The following EFNB2 variants were observed in gnomAD, a reference collection of about 807,000 sequenced individuals.
EFNB2 encodes the protein ephrin B2.
In EFNB2, 5 loss-of-function variants were observed where a neutral mutation model predicts 32.1. The ratio of observed to expected loss-of-function variants is 0.16; its 90% CI spans 0.08 to 0.33. The LOEUF (loss-of-function observed/expected upper bound fraction) is 0.33. Among genes scored for constraint, EFNB2 ranks in the 10% least tolerant of loss-of-function variants. The probability of loss-of-function intolerance (pLI) is 1.00; values close to 1 mark genes in which losing one functional copy is unlikely to be tolerated. For synonymous variants in EFNB2, 168 were observed against 166.5 expected, an observed-to-expected ratio of 1.01 and a Z score of -0.07; for missense variants, 263 against 422.6, an observed-to-expected ratio of 0.62 and a Z score of 3.31.
At chr13:106,528,904 C>T (rs1298305840) in intron 1 of EFNB2, among the ~76,000 whole-genome samples, 2 of 152,170 alleles carry the variant, frequency 1.3e-5, no homozygotes, top group African/African-American at 4.8e-5. Flanking sequence ...ATTTACACCA[C>T]CTCTAACAGC....
At chr13:106,508,005 A>T (rs1186425342) in intron 2 of EFNB2, among the ~76,000 whole-genome samples, 1 of 152,204 alleles carries the variant, frequency 6.6e-6, no homozygotes, top group Non-Finnish European at 1.5e-5. Flanking sequence ...TTCATTTTTC[A>T]TCCATCTCTG....
At chr13:106,520,902 G>A (rs1306908613) in intron 1 of EFNB2, 1 of 152,116 alleles carries the variant, frequency 6.6e-6, no homozygotes, top group African/African-American at 2.4e-5. Context: ...TACGGAATTA[G>A]GTTACCAGAT....
intron 1 of EFNB2, among the ~76,000 whole-genome samples, chr13:106,528,247 T>G (rs1386342572): frequency 6.6e-6 from 1 of 152,158 alleles, no homozygotes; most frequent in Non-Finnish European, 1.5e-5. Context: ...AAAAATGTTT[T>G]GAGTCTATGA....
intron 2 of EFNB2, among the ~76,000 whole-genome samples, chr13:106,498,405 G>A (rs920715683): frequency 2.0e-5 from 3 of 152,180 alleles, no homozygotes; most frequent in Non-Finnish European, 4.4e-5. Flanking sequence ...CACAAGAGGT[G>A]CACATTATTT....
chr13:106,520,294 G>C (rs1879460445), intron 1 of EFNB2: 1 of 152,156 alleles, frequency 6.6e-6, no homozygotes, highest in South Asian at 2.1e-4. Flanking sequence ...AAGAGAAGTC[G>C]AGTACAAACT....
intron 1 of EFNB2, among the ~76,000 whole-genome samples, chr13:106,515,358 G>T (rs1205618350): frequency 2.0e-5 from 3 of 152,154 alleles, no homozygotes; most frequent in Non-Finnish European, 4.4e-5. Flanking sequence ...AATCTATAAT[G>T]GTCAGTGACG....
chr13:106,494,781 C>T (rs555200681), intron 4 of EFNB2, 100 bp downstream of exon 4: 8 of 868,748 alleles, frequency 9.2e-6, no homozygotes, highest in Admixed American at 6.0e-5. Flanking sequence ...CCAGCTAATC[C>T]TAACTGGTTA....
intron 2 of EFNB2, among the ~76,000 whole-genome samples, chr13:106,496,544 C>T (rs1878597372): frequency 6.6e-6 from 1 of 152,242 alleles, no homozygotes; most frequent in South Asian, 2.1e-4. Context: ...GGTTCACACA[C>T]ATGCCCACCA....
At chr13:106,532,077 ACCAAAAC>A (rs1566464991) in intron 1 of EFNB2, among the ~76,000 whole-genome samples, 3 of 40,752 alleles carry the variant, frequency 7.4e-5, no homozygotes, top group Non-Finnish European at 1.1e-4. Context: ...CAAAAAAAAA[ACCAAAAC>A]TTTAAACAAC....
intron 2 of EFNB2, among the ~76,000 whole-genome samples, chr13:106,508,629 C>T (rs533779688): frequency 4.6e-5 from 7 of 152,268 alleles, no homozygotes; most frequent in Admixed American, 2.6e-4. Flanking sequence ...TGTCTTGATA[C>T]TTGATAAGCA....
rs575645186 is a variant in EFNB2 at position 106,535,007 on chromosome 13, G to A, written c.-43C>T. On this transcript the variant is annotated 5_prime_UTR_variant, in exon 1 of 5. Coordinates refer to ENST00000646441, the MANE Select transcript of EFNB2 (RefSeq NM_004093.4). ...CTCCGCGCACTCCGGGCCAAGAAGG[G>A]ACTGACGGGACGCAGGCTGGGACCC... 1.2e-6 allele frequency: 2 copies of A among 1,608,072 alleles called. No individual in the cohort carries two copies. Among genetic ancestry groups the A allele is most frequent in the African/African-American group, 2.7e-5 (2 of 74,654 alleles).
chr13:106,513,425 A>G (rs1262537923), intron 1 of EFNB2, among the ~76,000 whole-genome samples: 3 of 152,250 alleles, frequency 2.0e-5, no homozygotes, highest in South Asian at 4.1e-4. Flanking sequence ...ACCAGAAATA[A>G]TTAGTTGTGG....
At chr13:106,524,457 G>A (rs923508479) in intron 1 of EFNB2, among the ~76,000 whole-genome samples, 4 of 152,156 alleles carry the variant, frequency 2.6e-5, no homozygotes, top group Admixed American at 6.5e-5. Context: ...CAGTCTCCCC[G>A]TTGGTATTAT....
At chr13:106,513,714 A>G (rs1359146463) in intron 1 of EFNB2, among the ~76,000 whole-genome samples, 1 of 152,128 alleles carries the variant, frequency 6.6e-6, no homozygotes, top group African/African-American at 2.4e-5. Context: ...CCTAATGAAC[A>G]TCCTTCTACA....
chr13:106,496,047 C>T (rs972295477), intron 2 of EFNB2, among the ~76,000 whole-genome samples: 2 of 152,142 alleles, frequency 1.3e-5, no homozygotes, highest in African/African-American at 4.8e-5. Context: ...GGAAACACTG[C>T]CGCACGTATG....
intron 2 of EFNB2, among the ~76,000 whole-genome samples, chr13:106,499,162 T>C (rs768001823): frequency 4.6e-4 from 70 of 152,254 alleles, no homozygotes; most frequent in Middle Eastern, 3.4e-3. Context: ...GATGTAAGTA[T>C]AGCTTCCCAT....
At chr13:106,534,427 G>A (rs1017939929) in intron 1 of EFNB2, among the ~76,000 whole-genome samples, 1 of 152,098 alleles carries the variant, frequency 6.6e-6, no homozygotes, top group Admixed American at 6.5e-5. Flanking sequence ...CCCGGACCAC[G>A]CCGCCCGCGC....
chr13:106,495,511 T>C (rs1315683267), intron 3 of EFNB2, among the ~76,000 whole-genome samples: 2 of 152,090 alleles, frequency 1.3e-5, no homozygotes, highest in Non-Finnish European at 2.9e-5. Context: ...TCTATCTATC[T>C]ATCTATCTAT....
rs541031391 is a variant in EFNB2 at position 106,490,931 on chromosome 13, T to C, written c.*2109A>G. ...CACTGGAGGTCTGAGAACCTTAAAATGCTGTCGCTACATTTTTTTTCCCTT... is the reference window on the plus strand; with the variant it reads ...CACTGGAGGTCTGAGAACCTTAAAACGCTGTCGCTACATTTTTTTTCCCTT... On this transcript the variant is annotated 3_prime_UTR_variant, in exon 5 of 5. Transcript: ENST00000646441. 1.0e-5 allele frequency: 1 copy of C among 96,138 alleles called. No individual in the cohort carries two copies. Among genetic ancestry groups the C allele is most frequent in the Admixed American group, 1.3e-4 (1 of 7,618 alleles). The allele number at this position is 96,138 out of a possible 1,614,324, so 6.0% of individuals were successfully genotyped here.
Sources: gnomAD v4.1 joint callset for allele counts (sites outside exome capture counted in the v4.1 genomes callset) on GRCh38, gnomAD v4.1.1 for gene constraint, MANE v1.5 for transcripts, NCBI Gene and HGNC (gene_info 2026-07-23, HGNC 2026-07-21) for gene names.